GATAD2A: variants seen among roughly 807,000 people sequenced by gnomAD.
GATAD2A encodes the protein GATA zinc finger domain containing 2A, also known as transcriptional repressor p66-alpha.
Under a neutral mutation model 68.5 loss-of-function variants are expected in GATAD2A, and 12 were observed. That is an observed-to-expected ratio of 0.18 (90% CI 0.11 to 0.28). The LOEUF is 0.28. Among genes scored for constraint, GATAD2A ranks in the 10% least tolerant of loss-of-function variants. The pLI, the probability that GATAD2A is intolerant of heterozygous loss-of-function variation, is 1.00. For synonymous variants in GATAD2A, 410 were observed against 375.3 expected, an observed-to-expected ratio of 1.09 and a Z score of -1.07; for missense variants, 755 against 868.5, an observed-to-expected ratio of 0.87 and a Z score of 1.64.
intron 2 of GATAD2A, 37 bp from the exon 3 acceptor site, chr19:19,492,269 C>G (rs1340208872): frequency 6.3e-7 from 1 of 1,579,326 alleles, no homozygotes; most frequent in Non-Finnish European, 8.6e-7. Flanking sequence ...GTCCAGCTGT[C>G]AAGGGCGCTC....
At chr19:19,481,038 T>C (rs964510023) in intron 2 of GATAD2A, among the ~76,000 whole-genome samples, 1 of 152,216 alleles carries the variant, frequency 6.6e-6, no homozygotes, top group Non-Finnish European at 1.5e-5. Flanking sequence ...GAAGCTGGCA[T>C]CTCTCCCAGG....
Position 19,492,632 on chromosome 19 carries a change from T to C in GATAD2A, c.454T>C (p.Leu152=). 6.2e-7 allele frequency: 1 copy of C among 1,614,134 alleles called. No individual in the cohort carries two copies. The change falls in exon 4 of 12, where the codon TTG becomes CTG. Residue 152 remains leucine (L), a synonymous_variant. Transcript: ENST00000683918. ...ERMIKQLKEE[L]RLEEAKLVLL... ...GATGATCAAGCAGCTGAAGGAAGAATTGAGGTTAGAAGAAGCAAAACTCGT... is the reference window on the plus strand; with the variant it reads ...GATGATCAAGCAGCTGAAGGAAGAACTGAGGTTAGAAGAAGCAAAACTCGT...
Position 19,507,752 on chromosome 19 carries a change from ACTT to A in GATAD2A, c.*2279_*2281del, listed in dbSNP as rs1308719400. On this transcript the variant is annotated 3_prime_UTR_variant, in exon 12 of 12. Transcript: ENST00000683918. ...GGACAACGTACATACTGTGATGTAA[ACTT>A]TTTTTTTTTCCCCCCAGGGGGCAAA... The A allele has an allele frequency of 2.5e-5, 3 of 118,376 alleles. No individual in the cohort carries two copies. Among genetic ancestry groups the A allele is most frequent in the Non-Finnish European group, 5.1e-5 (3 of 59,148 alleles). The allele number at this position is 118,376 out of a possible 1,614,324, so 7.3% of individuals were successfully genotyped here. A position where few individuals can be genotyped will look rare whatever the true frequency, so the allele number is the denominator to read the frequency against.
At chr19:19,398,831 C>T (rs192865957) in intron 1 of GATAD2A, among the ~76,000 whole-genome samples, 15 of 151,950 alleles carry the variant, frequency 9.9e-5, no homozygotes, top group African/African-American at 3.1e-4. Context: ...GAGGCCAAGG[C>T]GGGTGGATAA....
intron 4 of GATAD2A, among the ~76,000 whole-genome samples, chr19:19,493,006 C>A (rs2059907941): frequency 6.7e-6 from 1 of 149,512 alleles, no homozygotes; most frequent in African/African-American, 2.5e-5. Flanking sequence ...ATTGACGCAA[C>A]CTTGGCTCAC....
At chr19:19,389,850 C>G (rs1394331357) in intron 1 of GATAD2A, among the ~76,000 whole-genome samples, 1 of 152,118 alleles carries the variant, frequency 6.6e-6, no homozygotes, top group African/African-American at 2.4e-5. Context: ...GCAACCTCTG[C>G]CCTACTGGCT....
chr19:19,389,095 G>T (rs780593178), intron 1 of GATAD2A, among the ~76,000 whole-genome samples: 3 of 152,012 alleles, frequency 2.0e-5, no homozygotes, highest in Non-Finnish European at 4.4e-5. Flanking sequence ...GCCCACCCTG[G>T]ATTCCAAGTT....
intron 1 of GATAD2A, among the ~76,000 whole-genome samples, chr19:19,427,019 CTGAG>C (rs1257200422): frequency 6.6e-6 from 1 of 151,908 alleles, no homozygotes; most frequent in South Asian, 2.1e-4. Flanking sequence ...GGACATTATG[CTGAG>C]TAAGAGAAGT....
chr19:19,442,770 T>TG (rs1435178789), intron 1 of GATAD2A, among the ~76,000 whole-genome samples: 3 of 118,892 alleles, frequency 2.5e-5, no homozygotes, highest in East Asian at 2.3e-4. Flanking sequence ...CCCCCCAAGC[T>TG]GAAAAAAAAA....
intron 2 of GATAD2A, among the ~76,000 whole-genome samples, chr19:19,487,629 C>T (rs555071392): frequency 6.6e-6 from 1 of 152,250 alleles, no homozygotes; most frequent in Admixed American, 6.5e-5. Context: ...TCTGCCATGA[C>T]CTTCACCCCG....
At chr19:19,433,724 G>T (rs868169713) in intron 1 of GATAD2A, among the ~76,000 whole-genome samples, 1 of 152,214 alleles carries the variant, frequency 6.6e-6, no homozygotes, top group Non-Finnish European at 1.5e-5. Context: ...GATGAAAAGT[G>T]TAACACTAAA....
intron 1 of GATAD2A, among the ~76,000 whole-genome samples, chr19:19,386,606 T>C (rs1412077866): frequency 6.9e-6 from 1 of 145,770 alleles, no homozygotes; most frequent in Admixed American, 6.7e-5. Context: ...CGTGCCTTTC[T>C]AGAGGATCCC....
intron 2 of GATAD2A, among the ~76,000 whole-genome samples, chr19:19,479,936 C>G (rs1209376628): frequency 6.9e-6 from 1 of 144,410 alleles, no homozygotes; most frequent in South Asian, 2.2e-4. Context: ...CTCCCAGGTT[C>G]TAGTGATTCT....
rs114049031 is a variant in GATAD2A, at chr19:19,474,040, G to A, written c.269+8426G>A. Reference sequence around the variant, plus strand: ...GATATTGCTTCTTCCTAGACATCCAGCCACCCAGTTGTCCAGAACGTGGGA... The same window carrying A: ...GATATTGCTTCTTCCTAGACATCCAACCACCCAGTTGTCCAGAACGTGGGA... On this transcript the variant is annotated intron_variant, in intron 2 of 11. Transcript: ENST00000683918. 2.9e-3 allele frequency: 2,875 copies of A among 985,146 alleles called. 74 individuals are homozygous for A. In the African/African-American group the frequency reaches 0.046, roughly 16 times the overall value. 61.0% of individuals were successfully genotyped at this position (985,146 alleles called of 1,614,324 possible).
chr19:19,427,186 G>A (rs903179830), intron 1 of GATAD2A, among the ~76,000 whole-genome samples: 1 of 152,152 alleles, frequency 6.6e-6, no homozygotes, highest in Non-Finnish European at 1.5e-5. Flanking sequence ...AGCTGGGGAA[G>A]ATGGTAAGTT....
rs1199503033 is a variant in GATAD2A at position 19,505,813 on chromosome 19, T to C, written c.*339T>C. The C allele has an allele frequency of 2.3e-6, 1 of 438,762 alleles. No homozygotes were observed. The highest frequency in any genetic ancestry group is 2.0e-5 in the African/African-American group (1 of 48,810). 27.2% of individuals were successfully genotyped at this position (438,762 alleles called of 1,614,324 possible). A position where few individuals can be genotyped will look rare whatever the true frequency, so the allele number is the denominator to read the frequency against. On this transcript the variant is annotated 3_prime_UTR_variant, in exon 12 of 12. Transcript: ENST00000683918. The stretch of plus-strand genomic sequence containing the variant: ...GCTCCTGGCCCCCTTGTTCAGCCCC[T>C]GCCGGCACACGGGCGGCTCACCCTG...
intron 1 of GATAD2A, among the ~76,000 whole-genome samples, chr19:19,454,456 G>A (rs1386033428): frequency 6.6e-6 from 1 of 151,888 alleles, no homozygotes; most frequent in Non-Finnish European, 1.5e-5. Flanking sequence ...AAAATTAGCT[G>A]GGTGTGTTGG....
At chr19:19,479,621 G>A (rs1331823297) in intron 2 of GATAD2A, among the ~76,000 whole-genome samples, 1 of 152,222 alleles carries the variant, frequency 6.6e-6, no homozygotes, top group Non-Finnish European at 1.5e-5. Flanking sequence ...TCACAGGCAG[G>A]TGATGGATTT....
chr19:19,482,525 CAGGAGCTCAGGTGCTGT>C (rs1399056864), intron 2 of GATAD2A, among the ~76,000 whole-genome samples: 1 of 152,176 alleles, frequency 6.6e-6, no homozygotes, highest in Non-Finnish European at 1.5e-5. Context: ...GGGGTCCACA[CAGGAGCTCAGGTGCTGT>C]AGGAGCCCAG....
Sources: allele counts gnomAD v4.1 joint callset (sites outside exome capture counted in the v4.1 genomes callset), GRCh38; gene constraint gnomAD v4.1.1; transcripts MANE v1.5; gene names NCBI Gene and HGNC (gene_info 2026-07-23, HGNC 2026-07-21).